CCDC102B: variants seen among roughly 807,000 people sequenced by gnomAD.
CCDC102B encodes the protein coiled-coil domain-containing protein 102B.
CCDC102B carries 75 observed loss-of-function variants against 57.4 expected under a neutral mutation model. That is an observed-to-expected ratio of 1.31 (90% CI 1.08 to 1.58). The LOEUF is 1.58. CCDC102B is among the 40% of genes most tolerant of loss of function. The pLI is 0.00. For missense variants in CCDC102B, 636 were observed against 582.6 expected, an observed-to-expected ratio of 1.09 and a Z score of -0.94; for synonymous variants, 206 against 201.9, an observed-to-expected ratio of 1.02 and a Z score of -0.17.
At chr18:68,960,338 T>C (rs1015382498) in intron 6 of CCDC102B, among the ~76,000 whole-genome samples, 4 of 129,610 alleles carry the variant, frequency 3.1e-5, no homozygotes, top group Admixed American at 7.8e-5. Flanking sequence ...AAGGCCTGTA[T>C]TGGGGGCCTG....
At chr18:68,731,750 TCA>T (rs1310259401) in intron 2 of CCDC102B, among the ~76,000 whole-genome samples, 1 of 149,644 alleles carries the variant, frequency 6.7e-6, no homozygotes, top group Non-Finnish European at 1.5e-5. Context: ...TAATGCTCAT[TCA>T]GTTATATATC....
At chr18:69,048,129 G>C (rs2052612053) in intron 7 of CCDC102B, among the ~76,000 whole-genome samples, 1 of 151,534 alleles carries the variant, frequency 6.6e-6, no homozygotes, top group African/African-American at 2.4e-5. Context: ...CAAAGAAAAA[G>C]TTTAAAAGAA....
In CCDC102B at chr18:69,049,941, C is replaced by T. The variant is rs572859866; in HGVS notation, c.1435-4089C>T. ...TCTCCTGCCTCAGCCTCCTGAGTAG[C>T]TGGGATTACAGGTGCCCGCCACCAT... On this transcript the variant is annotated intron_variant, in intron 7 of 7. Coordinates refer to ENST00000360242, the MANE Select transcript of CCDC102B (RefSeq NM_024781.3). Among the ~76,000 whole-genome samples the T allele has an allele frequency of 2.6e-5, 4 of 152,178 alleles. No individual in the cohort carries two copies. The South Asian group carries it at 8.3e-4, about 32-fold the overall frequency.
At chr18:68,914,664 C>T (rs2040999693) in intron 6 of CCDC102B, among the ~76,000 whole-genome samples, 2 of 152,264 alleles carry the variant, frequency 1.3e-5, no homozygotes, top group South Asian at 2.1e-4. Flanking sequence ...CTACTATCTC[C>T]GACCTCACTG....
chr18:68,814,686 A>G (rs1282178963), intron 1 of CCDC102B, among the ~76,000 whole-genome samples: 1 of 152,140 alleles, frequency 6.6e-6, no homozygotes, highest in African/African-American at 2.4e-5. Context: ...CTGTTTTCTT[A>G]ATGTTTAGAA....
At chr18:69,015,272 G>A (rs2051635458) in intron 7 of CCDC102B, among the ~76,000 whole-genome samples, 1 of 152,090 alleles carries the variant, frequency 6.6e-6, no homozygotes, top group Non-Finnish European at 1.5e-5. Flanking sequence ...CGAATCAATT[G>A]ATTACCACAG....
At chr18:69,012,281 C>T (rs1435780634) in intron 7 of CCDC102B, among the ~76,000 whole-genome samples, 1 of 151,932 alleles carries the variant, frequency 6.6e-6, no homozygotes, top group East Asian at 1.9e-4. Flanking sequence ...AGGGGGTGGG[C>T]TGGTGGTGAT....
intron 6 of CCDC102B, among the ~76,000 whole-genome samples, chr18:68,971,971 C>G (rs1004828801): frequency 2.0e-5 from 3 of 152,098 alleles, no homozygotes; most frequent in African/African-American, 7.2e-5. Flanking sequence ...TGTACTTTGA[C>G]TCCTGTAAAT....
intron 2 of CCDC102B, among the ~76,000 whole-genome samples, chr18:68,720,839 T>C (rs1443199607): frequency 1.3e-5 from 2 of 152,104 alleles, no homozygotes; most frequent in African/African-American, 4.8e-5. Flanking sequence ...TTGGAAAGGC[T>C]AGGCAGAGGG....
intron 4 of CCDC102B, among the ~76,000 whole-genome samples, chr18:68,874,029 T>G (rs2039336106): frequency 6.6e-6 from 1 of 152,010 alleles, no homozygotes. Flanking sequence ...CAAGAACAGC[T>G]GTGGGAAAAT....
chr18:68,857,971 A>T (rs1175455330), intron 4 of CCDC102B, among the ~76,000 whole-genome samples: 2 of 152,172 alleles, frequency 1.3e-5, no homozygotes, highest in African/African-American at 4.8e-5. Context: ...GAATGCCTTC[A>T]TGCTAATCCA....
At chr18:68,770,353 C>T (rs1430723812) in intron 2 of CCDC102B, among the ~76,000 whole-genome samples, 1 of 152,200 alleles carries the variant, frequency 6.6e-6, no homozygotes, top group African/African-American at 2.4e-5. Context: ...CAGTGGCATA[C>T]AAAAATTAGC....
intron 7 of CCDC102B, among the ~76,000 whole-genome samples, chr18:69,040,213 T>C (rs955780228): frequency 6.6e-6 from 1 of 152,008 alleles, no homozygotes; most frequent in Non-Finnish European, 1.5e-5. Context: ...TCATTTTAGG[T>C]GTGCCTGGTG....
downstream of CCDC102B, among the ~76,000 whole-genome samples, chr18:69,057,533 T>G (rs1430198263): frequency 6.6e-6 from 1 of 152,056 alleles, no homozygotes; most frequent in Non-Finnish European, 1.5e-5. Flanking sequence ...CTTTTTCATG[T>G]GGATATTGGC....
intron 6 of CCDC102B, among the ~76,000 whole-genome samples, chr18:68,992,412 C>T (rs930097276): frequency 1.3e-5 from 2 of 152,192 alleles, no homozygotes; most frequent in African/African-American, 2.4e-5. Context: ...ATGGCCATTC[C>T]TGCCTCCTCC....
intron 6 of CCDC102B, among the ~76,000 whole-genome samples, chr18:68,944,622 G>A (rs1367399526): frequency 7.8e-6 from 1 of 128,866 alleles, no homozygotes; most frequent in Non-Finnish European, 1.6e-5. Context: ...CTTGCATACT[G>A]ACACCATCAA....
chr18:68,813,625 G>A (rs1444245332), intron 1 of CCDC102B, among the ~76,000 whole-genome samples: 1 of 151,952 alleles, frequency 6.6e-6, no homozygotes, highest in African/African-American at 2.4e-5. Flanking sequence ...AGAGGATAAA[G>A]GAGGCCGGGA....
Position 68,823,179 on chromosome 18 carries a change from G to A in CCDC102B, c.-15-13570G>A, listed in dbSNP as rs192591282. On this transcript the variant is annotated intron_variant, in intron 1 of 7. Coordinates refer to ENST00000360242, the MANE Select transcript of CCDC102B (RefSeq NM_024781.3). ...TCGCATAGGTTGTAACCAATTGGAG[G>A]CCTCTAAAGGGTACATATAGGTGTT... Among the ~76,000 whole-genome samples the A allele has an allele frequency of 2.0e-5, 3 of 152,316 alleles. No individual in the cohort carries two copies. The East Asian group carries it at 5.8e-4, about 29-fold the overall frequency.
chr18:68,716,424 C>G (rs2031997492), intron 1 of CCDC102B: 1 of 152,096 alleles, frequency 6.6e-6, no homozygotes, highest in African/African-American at 2.4e-5. Flanking sequence ...TGACCTAGAT[C>G]TGTGCTTTTC....
Sources: allele counts gnomAD v4.1 joint callset (sites outside exome capture counted in the v4.1 genomes callset), GRCh38; gene constraint gnomAD v4.1.1; transcripts MANE v1.5; gene names NCBI Gene and HGNC (gene_info 2026-07-23, HGNC 2026-07-21).